The following RAB38 variants were observed in gnomAD, a reference collection of about 807,000 sequenced individuals.
RAB38 encodes RAB38, member RAS oncogene family.
In RAB38, 15 loss-of-function variants were observed where a neutral mutation model predicts 18.4. The observed-to-expected ratio is 0.82, with a 90% confidence interval of 0.55 to 1.26. RAB38 has a LOEUF of 1.26. Among genes scored for constraint, RAB38 ranks in the 50% most tolerant of loss-of-function variants. RAB38 has a pLI of 0.00. For missense variants in RAB38, 294 were observed against 267.4 expected (o/e 1.10, Z -0.69); for synonymous variants, 101 against 104.4 (o/e 0.97, Z 0.20).
At chr11:88,062,404 T>A in the RAB38 span, among the ~76,000 whole-genome samples, 12 of 152,216 alleles carry the variant, frequency 7.9e-5, no homozygotes, top group Admixed American at 5.2e-4. Flanking sequence ...CATGCAGAAA[T>A]GTTAGTCAAT....
chr11:87,828,696 C>CT, the RAB38 span, among the ~76,000 whole-genome samples: 5 of 152,078 alleles, frequency 3.3e-5, no homozygotes, highest in Non-Finnish European at 7.4e-5. Context: ...TCTAATCTAC[C>CT]TTTTTTGGGT....
At chr11:87,949,272 TTC>T in the RAB38 span, among the ~76,000 whole-genome samples, 3 of 152,342 alleles carry the variant, frequency 2.0e-5, no homozygotes, top group East Asian at 3.9e-4. Flanking sequence ...TATTTGATTC[TTC>T]TCTCTTTTCT....
chr11:88,019,257 C>G, the RAB38 span, among the ~76,000 whole-genome samples: 1 of 152,088 alleles, frequency 6.6e-6, no homozygotes, highest in Non-Finnish European at 1.5e-5. Context: ...GTAAATGGTA[C>G]CATAATTGAC....
intron 2 of RAB38, among the ~76,000 whole-genome samples, chr11:88,124,808 T>C (rs556531428): frequency 6.6e-6 from 1 of 152,370 alleles, no homozygotes; most frequent in East Asian, 1.9e-4. Flanking sequence ...TTGAAGTTCT[T>C]ATATAATACT....
the RAB38 span, among the ~76,000 whole-genome samples, chr11:87,880,697 G>C: frequency 1.3e-5 from 2 of 151,790 alleles, no homozygotes; most frequent in Non-Finnish European, 2.9e-5. Flanking sequence ...ACTTGAAAAA[G>C]TATACCTTCC....
At chr11:87,924,434 T>C in the RAB38 span, among the ~76,000 whole-genome samples, 1 of 152,008 alleles carries the variant, frequency 6.6e-6, no homozygotes, top group Non-Finnish European at 1.5e-5. Context: ...AAGTGTGAGA[T>C]GGTTTGCAAA....
chr11:87,930,990 A>C, the RAB38 span, among the ~76,000 whole-genome samples: 1 of 152,168 alleles, frequency 6.6e-6, no homozygotes, highest in Non-Finnish European at 1.5e-5. Flanking sequence ...GTTTGAAGTC[A>C]GGTAGCGTGA....
At chr11:88,023,853 T>C in the RAB38 span, among the ~76,000 whole-genome samples, 2 of 152,126 alleles carry the variant, frequency 1.3e-5, no homozygotes, top group Non-Finnish European at 2.9e-5. Context: ...TATAAAAGAA[T>C]GAAACTTGAT....
At chr11:88,129,565 C>G (rs975248054) in intron 2 of RAB38, among the ~76,000 whole-genome samples, 1 of 152,024 alleles carries the variant, frequency 6.6e-6, no homozygotes, top group African/African-American at 2.4e-5. Flanking sequence ...TGCTTGAACC[C>G]AGGAGGTGGA....
the RAB38 span, among the ~76,000 whole-genome samples, chr11:87,828,506 C>G: frequency 6.6e-6 from 1 of 152,160 alleles, no homozygotes; most frequent in Admixed American, 6.6e-5. Context: ...CCATGAAACA[C>G]ATGCAATTAT....
At chr11:88,117,629 G>A (rs16912933) in intron 2 of RAB38, among the ~76,000 whole-genome samples, 4,548 of 152,188 alleles carry the variant, frequency 0.03, 243 homozygotes, top group African/African-American at 0.1. Context: ...CCACAGGCAC[G>A]CTACAAAAAG....
the RAB38 span, among the ~76,000 whole-genome samples, chr11:88,034,025 C>T: frequency 1.1e-4 from 17 of 152,314 alleles, 1 homozygote; most frequent in African/African-American, 4.1e-4. Context: ...CCGCGCCCTG[C>T]AGTTGTGTTG....
the RAB38 span, among the ~76,000 whole-genome samples, chr11:87,967,129 T>G: frequency 4.6e-5 from 7 of 152,256 alleles, no homozygotes; most frequent in Admixed American, 1.3e-4. Flanking sequence ...TTAATGTCAT[T>G]GGACTTCAAC....
the RAB38 span, among the ~76,000 whole-genome samples, chr11:87,822,498 G>A: frequency 1.3e-5 from 2 of 152,162 alleles, no homozygotes; most frequent in Non-Finnish European, 2.9e-5. Context: ...TCATCTCAAT[G>A]CTCAACTGTG....
At chr11:87,812,604 G>T in the RAB38 span, among the ~76,000 whole-genome samples, 1 of 152,200 alleles carries the variant, frequency 6.6e-6, no homozygotes, top group East Asian at 1.9e-4. Context: ...GCACGGTCCT[G>T]ACTGCAGGCG....
chr11:87,932,708 C>G, the RAB38 span, among the ~76,000 whole-genome samples: 2 of 152,062 alleles, frequency 1.3e-5, no homozygotes, highest in African/African-American at 4.8e-5. Flanking sequence ...ATCCTCTTCT[C>G]CCCATCCTTT....
At chr11:87,923,305 G>A in the RAB38 span, among the ~76,000 whole-genome samples, 1 of 151,878 alleles carries the variant, frequency 6.6e-6, no homozygotes, top group African/African-American at 2.4e-5. Context: ...AAATGCTAGA[G>A]AAGACGCATT....
chr11:88,060,118 A>C, the RAB38 span: 4 of 152,216 alleles, frequency 2.6e-5, no homozygotes, highest in Non-Finnish European at 5.9e-5. Context: ...AGACAAAAGT[A>C]ACTCAGAGTG....
At chr11:87,971,250 G>A in the RAB38 span, among the ~76,000 whole-genome samples, 39 of 152,208 alleles carry the variant, frequency 2.6e-4, no homozygotes, top group South Asian at 6.2e-4. Flanking sequence ...AGACGCTCTG[G>A]CAGAGAAGGG....
Sources: gnomAD v4.1 joint callset for allele counts (sites outside exome capture counted in the v4.1 genomes callset) on GRCh38, gnomAD v4.1.1 for gene constraint, MANE v1.5 for transcripts, NCBI Gene and HGNC (gene_info 2026-07-23, HGNC 2026-07-21) for gene names.